The following PTPRD variants were observed in gnomAD, a reference collection of about 807,000 sequenced individuals.
PTPRD encodes receptor-type tyrosine-protein phosphatase delta.
Under a neutral mutation model 214.5 loss-of-function variants are expected in PTPRD, and 34 were observed. The ratio of observed to expected loss-of-function variants is 0.16; its 90% CI spans 0.12 to 0.21. The LOEUF is 0.21. PTPRD is among the 10% of genes least tolerant of loss of function. The pLI is 1.00. For missense variants in PTPRD, 2,545 were observed against 2,398.7 expected (o/e 1.06, Z -1.27); for synonymous variants, 1,128 against 845.7 (o/e 1.33, Z -5.79).
At chr9:9,726,407 T>C (rs2098092414) in intron 7 of PTPRD, among the ~76,000 whole-genome samples, 1 of 152,114 alleles carries the variant, frequency 6.6e-6, no homozygotes, top group Non-Finnish European at 1.5e-5. Context: ...CAGGACAGTG[T>C]AAAATTATTT....
intron 7 of PTPRD, among the ~76,000 whole-genome samples, chr9:9,720,792 C>A (rs76575283): frequency 1.4e-5 from 2 of 142,482 alleles, no homozygotes; most frequent in African/African-American, 5.7e-5. Context: ...TATATATACA[C>A]CATGGAATAC....
At position 8,568,901 on chromosome 9, in the gene PTPRD, G is replaced by C. The variant is rs550196290; in HGVS notation, c.353-40122C>G. On this transcript the variant is annotated intron_variant, in intron 14 of 45. Coordinates refer to ENST00000381196, the MANE Select transcript of PTPRD (RefSeq NM_002839.4). ...CTCAGTTGCCCACCTATGAGCTTTT[G>C]TGTGTCATTAGCACAAATCTAATGC... Among the ~76,000 whole-genome samples the C allele has an allele frequency of 1.8e-4, 27 of 151,836 alleles. No homozygotes were observed. In the South Asian group the frequency reaches 5.6e-3, roughly 32 times the overall value.
intron 8 of PTPRD, among the ~76,000 whole-genome samples, chr9:9,424,256 T>C (rs1239080430): frequency 6.6e-6 from 1 of 152,218 alleles, no homozygotes; most frequent in East Asian, 1.9e-4. Context: ...CTTATATAAA[T>C]GCTAATGCTG....
chr9:10,069,673 T>C (rs2097957599), intron 3 of PTPRD, among the ~76,000 whole-genome samples: 1 of 151,998 alleles, frequency 6.6e-6, no homozygotes, highest in East Asian at 1.9e-4. Context: ...AAGATTTCAA[T>C]TTTAAAATTA....
chr9:10,348,905 G>C (rs1175478675), intron 2 of PTPRD, among the ~76,000 whole-genome samples: 1 of 151,930 alleles, frequency 6.6e-6, no homozygotes. Context: ...TAAACTCCTT[G>C]TGTGCCCCAA....
intron 5 of PTPRD, among the ~76,000 whole-genome samples, chr9:9,931,515 C>T (rs532988917): frequency 1.3e-4 from 20 of 152,300 alleles, no homozygotes; most frequent in South Asian, 6.2e-4. Context: ...TGCGCTTTTC[C>T]GACGGGCTTA....
intron 11 of PTPRD, among the ~76,000 whole-genome samples, chr9:8,946,356 T>C (rs905245348): frequency 1.7e-4 from 26 of 152,182 alleles, no homozygotes; most frequent in African/African-American, 5.8e-4. Context: ...CAGCAGTATA[T>C]AGGTTTCGAG....
chr9:10,145,009 A>T (rs970154258), intron 3 of PTPRD, among the ~76,000 whole-genome samples: 2 of 152,118 alleles, frequency 1.3e-5, no homozygotes, highest in African/African-American at 4.8e-5. Context: ...CTCCTTTATC[A>T]GGAAAAAAAA....
In PTPRD at chr9:8,473,972, C is replaced by T. The variant is rs576561018; in HGVS notation, c.3414-2887G>A. On this transcript the variant is annotated intron_variant, in intron 30 of 45. Transcript: ENST00000381196. ...TCTAAATCCACACATTTCAACTGTG[C>T]TCTCTGCAACTATAGCTTTGTAAAT... 1.8e-3 allele frequency among the ~76,000 whole-genome samples: 277 copies of T among 152,310 alleles called. 1 individual carries two copies. Among genetic ancestry groups the T allele is most frequent in the African/African-American group, 6.6e-3 (276 of 41,562 alleles).
intron 5 of PTPRD, among the ~76,000 whole-genome samples, chr9:9,890,013 T>A (rs28439337): frequency 4.3e-4 from 66 of 152,088 alleles, no homozygotes; most frequent in Non-Finnish European, 9.1e-4. Context: ...AAGCCATGAA[T>A]CCACCCTCCC....
intron 4 of PTPRD, among the ~76,000 whole-genome samples, chr9:10,015,441 G>T (rs139774473): frequency 1.3e-5 from 2 of 152,034 alleles, no homozygotes; most frequent in African/African-American, 4.8e-5. Context: ...CTCATGCCTC[G>T]TTTGAAAGAA....
intron 12 of PTPRD, among the ~76,000 whole-genome samples, chr9:8,653,749 A>G (rs958977025): frequency 3.8e-4 from 58 of 152,230 alleles, no homozygotes; most frequent in African/African-American, 1.3e-3. Flanking sequence ...ATCAACAGAT[A>G]AAATAATGCC....
At chr9:9,557,720 T>C (rs2081889188) in intron 8 of PTPRD, among the ~76,000 whole-genome samples, 1 of 152,164 alleles carries the variant, frequency 6.6e-6, no homozygotes, top group Admixed American at 6.5e-5. Flanking sequence ...TTTTTGATAA[T>C]TGCCAGTTAG....
intron 8 of PTPRD, among the ~76,000 whole-genome samples, chr9:9,459,661 A>C (rs970062931): frequency 5.3e-5 from 8 of 152,138 alleles, no homozygotes; most frequent in Non-Finnish European, 1.0e-4. Flanking sequence ...CCTCTACAAC[A>C]AGAAGTATAA....
At chr9:10,407,165 T>G (rs184362312) in intron 2 of PTPRD, among the ~76,000 whole-genome samples, 1 of 151,526 alleles carries the variant, frequency 6.6e-6, no homozygotes, top group Non-Finnish European at 1.5e-5. Flanking sequence ...AACTTAATTA[T>G]TGGAAAGAGT....
chr9:8,797,445 T>G (rs72702356), intron 11 of PTPRD, among the ~76,000 whole-genome samples: 4,842 of 152,324 alleles, frequency 0.032, 135 homozygotes, highest in South Asian at 0.041. Flanking sequence ...CACAGAATCT[T>G]GATGATATGC....
At chr9:9,446,926 A>G (rs2090609689) in intron 8 of PTPRD, among the ~76,000 whole-genome samples, 1 of 152,184 alleles carries the variant, frequency 6.6e-6, no homozygotes, top group African/African-American at 2.4e-5. Context: ...GCTCAATATC[A>G]CTGATCATTA....
At chr9:8,830,151 T>G (rs574828950) in intron 11 of PTPRD, among the ~76,000 whole-genome samples, 2 of 152,318 alleles carry the variant, frequency 1.3e-5, no homozygotes, top group East Asian at 3.9e-4. Context: ...ATGTTCATTT[T>G]ACAGATGAGA....
At chr9:8,854,248 C>T (rs915695140) in intron 11 of PTPRD, among the ~76,000 whole-genome samples, 3 of 152,096 alleles carry the variant, frequency 2.0e-5, no homozygotes, top group Non-Finnish European at 4.4e-5. Context: ...CAAGTTAGAG[C>T]ACAAGAGCAC....
Sources: gnomAD v4.1 joint callset for allele counts (sites outside exome capture counted in the v4.1 genomes callset) on GRCh38, gnomAD v4.1.1 for gene constraint, MANE v1.5 for transcripts, NCBI Gene and HGNC (gene_info 2026-07-23, HGNC 2026-07-21) for gene names.